EXT1: variants seen among roughly 807,000 people sequenced by gnomAD.
EXT1 encodes the protein exostosin-1.
Under a neutral mutation model 82.5 loss-of-function variants are expected in EXT1, and 20 were observed. The ratio of observed to expected loss-of-function variants is 0.24; its 90% confidence interval spans 0.17 to 0.35. The LOEUF (loss-of-function observed/expected upper bound fraction) is 0.35. EXT1 is among the 10% of genes least tolerant of loss of function. EXT1 has a pLI of 1.00. For missense variants in EXT1, 757 were observed against 936.5 expected, an observed-to-expected ratio of 0.81 and a Z score of 2.50; for synonymous variants, 348 against 350.8, an observed-to-expected ratio of 0.99 and a Z score of 0.09.
At chr8:118,017,806 G>T (rs928752130) in intron 1 of EXT1, among the ~76,000 whole-genome samples, 1 of 152,136 alleles carries the variant, frequency 6.6e-6, no homozygotes, top group African/African-American at 2.4e-5. Flanking sequence ...CCACAACCCT[G>T]CACACGATCA....
chr8:117,925,911 C>T (rs1051285965), intron 1 of EXT1, among the ~76,000 whole-genome samples: 2 of 151,842 alleles, frequency 1.3e-5, no homozygotes, highest in Non-Finnish European at 2.9e-5. Flanking sequence ...AACAAATGAA[C>T]AAACAAAAAA....
rs17430231 is a variant in EXT1, at chr8:117,834,336, G to A, written c.1164+1108C>T. Reference sequence around the variant, plus strand: ...ACAGACTTAAGAGGCCAGGCGCGGTGGCTCACACCTGTAATTCCAGCACTT... The same window carrying A: ...ACAGACTTAAGAGGCCAGGCGCGGTAGCTCACACCTGTAATTCCAGCACTT... On this transcript the variant is annotated intron_variant, in intron 3 of 10. Coordinates refer to ENST00000378204, the MANE Select transcript of EXT1 (RefSeq NM_000127.3). Among the ~76,000 whole-genome samples the A allele has an allele frequency of 1.2e-3, 183 of 152,264 alleles. 1 individual carries two copies. Among genetic ancestry groups the A allele is most frequent in the Non-Finnish European group, 2.1e-3 (144 of 68,018 alleles).
At chr8:117,865,065 A>T (rs901927474) in intron 1 of EXT1, among the ~76,000 whole-genome samples, 12 of 152,184 alleles carry the variant, frequency 7.9e-5, no homozygotes, top group Non-Finnish European at 1.6e-4. Context: ...GTTTGAGATG[A>T]GCTGACTGAC....
chr8:118,079,549 T>C (rs1817272706), intron 1 of EXT1, among the ~76,000 whole-genome samples: 1 of 152,250 alleles, frequency 6.6e-6, no homozygotes, highest in South Asian at 2.1e-4. Flanking sequence ...CTGGTGTTTT[T>C]GTACTTTGCC....
rs11562817 is a variant in EXT1, at chr8:117,992,765, G to A, written c.962+117320C>T. 5.4e-3 allele frequency among the ~76,000 whole-genome samples: 816 copies of A among 152,314 alleles called. 7 individuals carry two copies. The highest frequency in any genetic ancestry group is 0.017 in the African/African-American group (718 of 41,568). The stretch of plus-strand genomic sequence containing the variant: ...AGATGGCTCTCATTCCCTGCCAGGA[G>A]GATCGCCATAACAAGGTGGCTGGAA... On this transcript the variant is annotated intron_variant, in intron 1 of 10. Transcript: ENST00000378204.
intron 1 of EXT1, among the ~76,000 whole-genome samples, chr8:118,079,167 C>T (rs1817264965): frequency 1.3e-5 from 2 of 152,008 alleles, no homozygotes; most frequent in South Asian, 4.2e-4. Context: ...GTCAATTCTG[C>T]ATAGGAAAAA....
intron 1 of EXT1, among the ~76,000 whole-genome samples, chr8:117,946,190 C>T (rs746783949): frequency 1.3e-4 from 20 of 152,142 alleles, no homozygotes; most frequent in Non-Finnish European, 2.2e-4. Flanking sequence ...TGAGCTACCG[C>T]GCCTGGCCTA....
chr8:118,025,442 C>A (rs1386694538), intron 1 of EXT1, among the ~76,000 whole-genome samples: 1 of 152,046 alleles, frequency 6.6e-6, no homozygotes, highest in Non-Finnish European at 1.5e-5. Context: ...GAGAGAAGAG[C>A]TTGCTATTAT....
At chr8:118,091,254 C>T (rs766154409) in intron 1 of EXT1, among the ~76,000 whole-genome samples, 1 of 152,170 alleles carries the variant, frequency 6.6e-6, no homozygotes, top group South Asian at 2.1e-4. Flanking sequence ...GACCAGGAAC[C>T]TACTTGTAGC....
intron 1 of EXT1, among the ~76,000 whole-genome samples, chr8:117,990,182 A>T (rs991219734): frequency 6.6e-6 from 1 of 152,134 alleles, no homozygotes; most frequent in Non-Finnish European, 1.5e-5. Flanking sequence ...AAAAAAAAAG[A>T]GAAAAGAAGA....
chr8:117,996,862 G>A (rs1815547719), intron 1 of EXT1, among the ~76,000 whole-genome samples: 1 of 152,110 alleles, frequency 6.6e-6, no homozygotes, highest in Non-Finnish European at 1.5e-5. Context: ...GCCCATTCTG[G>A]GCCAAGCAGC....
At chr8:117,930,119 A>C (rs1321734083) in intron 1 of EXT1, among the ~76,000 whole-genome samples, 2 of 152,186 alleles carry the variant, frequency 1.3e-5, no homozygotes, top group Non-Finnish European at 1.5e-5. Flanking sequence ...AAAAAAAATA[A>C]AGACAGAAGA....
At chr8:117,873,240 A>C (rs993205590) in intron 1 of EXT1, among the ~76,000 whole-genome samples, 1 of 152,150 alleles carries the variant, frequency 6.6e-6, no homozygotes, top group Admixed American at 6.6e-5. Context: ...GTGAAAAATA[A>C]ATTTCTATTG....
At chr8:117,834,558 T>A (rs1159661344) in intron 3 of EXT1, among the ~76,000 whole-genome samples, 1 of 151,960 alleles carries the variant, frequency 6.6e-6, no homozygotes, top group Non-Finnish European at 1.5e-5. Context: ...TGAGCAGAGA[T>A]CACACCACTG....
intron 1 of EXT1, among the ~76,000 whole-genome samples, chr8:118,098,888 C>A (rs1817667518): frequency 1.3e-5 from 2 of 152,092 alleles, no homozygotes; most frequent in Non-Finnish European, 2.9e-5. Flanking sequence ...CAACAAGTAG[C>A]AGAAATCAAA....
intron 1 of EXT1, among the ~76,000 whole-genome samples, chr8:117,958,115 CTT>C (rs34055315): frequency 4.0e-5 from 6 of 149,384 alleles, no homozygotes; most frequent in Admixed American, 2.7e-4. Flanking sequence ...GTTACCAAGT[CTT>C]TTTTTTTTTA....
intron 1 of EXT1, among the ~76,000 whole-genome samples, chr8:118,024,485 C>T (rs1295902171): frequency 6.6e-6 from 1 of 151,574 alleles, no homozygotes. Flanking sequence ...CTATTATATT[C>T]CAGGTAATGC....
intron 1 of EXT1, among the ~76,000 whole-genome samples, chr8:117,877,818 C>T (rs771814365): frequency 7.4e-4 from 113 of 152,048 alleles, no homozygotes; most frequent in Non-Finnish European, 1.5e-3. Context: ...AGTACTAGTT[C>T]ACAGTCAACT....
chr8:117,987,780 G>A (rs1192211181), intron 1 of EXT1, among the ~76,000 whole-genome samples: 1 of 152,146 alleles, frequency 6.6e-6, no homozygotes, highest in African/African-American at 2.4e-5. Flanking sequence ...ATACGGCTGG[G>A]GATGTGGGTT....
Sources: gnomAD v4.1 joint callset for allele counts (sites outside exome capture counted in the v4.1 genomes callset) on GRCh38, gnomAD v4.1.1 for gene constraint, MANE v1.5 for transcripts, NCBI Gene and HGNC (gene_info 2026-07-23, HGNC 2026-07-21) for gene names.